The following MIA3 variants were observed in gnomAD, a reference collection of about 807,000 sequenced individuals.
The protein encoded by MIA3 is MIA SH3 domain ER export factor 3.
Under a neutral mutation model 192.4 loss-of-function variants are expected in MIA3, and 90 were observed. The observed-to-expected ratio is 0.47, with a 90% CI of 0.39 to 0.56. The LOEUF (loss-of-function observed/expected upper bound fraction) is 0.56, where lower values mean the gene tolerates loss of function less well. MIA3 is among the 20% of genes least tolerant of loss of function. The probability of loss-of-function intolerance (pLI) is 0.00; values close to 1 mark genes in which losing one functional copy is unlikely to be tolerated. For missense variants in MIA3, 2,123 were observed against 2,269.4 expected (o/e 0.94, Z 1.31); for synonymous variants, 740 against 792.8 (o/e 0.93, Z 1.12).
At chr1:222,647,842 G>A in intron 7 of MIA3, 1 of 331,064 alleles carries the variant, frequency 3.0e-6, no homozygotes. Flanking sequence ...TTCCATGTTG[G>A]AATTTTCTGA....
chr1:222,658,755 A>T lies in MIA3; in HGVS notation c.4641A>T (p.Glu1547Asp), dbSNP rs1286858138. ...GTCAAGAAGAGTATGAACGGCAAGA[A>T]AGAGAGCACAGGCTGTCAGCTGCAG... ...KLSQEEYERQ[E>D]REHRLSAADE... Residue 1547 changes from glutamate (E) to aspartate (D), a missense_variant, in exon 19 of 28, where the codon GAA becomes GAT. This residue lies in a region of MIA3 where 762 missense variants were observed against 856.4 expected (regional missense o/e 0.89). Transcript: ENST00000344922. 1 of 1,612,560 alleles carries T rather than the reference A, an allele frequency of 6.2e-7. No homozygotes were observed. Among genetic ancestry groups the T allele is most frequent in the African/African-American group, 1.3e-5 (1 of 74,796 alleles).
At position 222,633,093 on chromosome 1, in the gene MIA3, C is replaced by T; in HGVS notation, c.3332-11C>T. 1 of 1,577,088 alleles carries T rather than the reference C, an allele frequency of 6.3e-7. No homozygotes were observed. Among genetic ancestry groups the T allele is most frequent in the Non-Finnish European group, 8.6e-7 (1 of 1,166,368 alleles). On this transcript the variant is annotated splice_polypyrimidine_tract_variant and intron_variant, in intron 5 of 27. Coordinates refer to ENST00000344922, the MANE Select transcript of MIA3 (RefSeq NM_198551.4). Reference sequence around the variant, plus strand: ...AAAGCACAAAATGTCTATCTTTCCTCCCAATTCCAGGGCCAGTTACAACAG... The same window carrying T: ...AAAGCACAAAATGTCTATCTTTCCTTCCAATTCCAGGGCCAGTTACAACAG...
chr1:222,665,608 C>CA lies in MIA3; in HGVS notation c.5714dup (p.Ser1906GlufsTer6), dbSNP rs1558201824. ...CCAGGACTGTTCACAGGCTTTAAAACAGAGCCCATAAAACTATGACCTCTG... is the reference window on the plus strand; with the variant it reads ...CCAGGACTGTTCACAGGCTTTAAAACAAGAGCCCATAAAACTATGACCTCTG... On this transcript the variant is annotated frameshift_variant, in exon 28 of 28. Transcript: ENST00000344922. LOFTEE classifies it high-confidence loss of function. The CA allele has an allele frequency of 1.3e-6, 2 of 1,588,074 alleles. No homozygotes were observed. The highest frequency in any genetic ancestry group is 2.2e-5 in the East Asian group (1 of 44,588).
At chr1:222,652,648 A>G (rs1160697221) in intron 13 of MIA3, among the ~76,000 whole-genome samples, 2 of 152,214 alleles carry the variant, frequency 1.3e-5, no homozygotes, top group East Asian at 3.8e-4. Flanking sequence ...TAGATATTTT[A>G]TAACCCTCCT....
chr1:222,660,786 A>T (rs1663969403), intron 24 of MIA3: 1 of 154,188 alleles, frequency 6.5e-6, no homozygotes, highest in African/African-American at 2.4e-5. Flanking sequence ...AATGCATAAA[A>T]TATATGTAGA....
intron 24 of MIA3, chr1:222,661,400 T>TA (rs1479106265): frequency 2.0e-5 from 3 of 152,524 alleles, no homozygotes; most frequent in African/African-American, 4.8e-5. Context: ...TCCTCTTCCT[T>TA]ATGATTTCAA....
rs745660705 is a variant in MIA3 at position 222,628,360 on chromosome 1, A to G, written c.1140A>G (p.Leu380=). Residue 380 remains leucine (L), a synonymous_variant, in exon 4 of 28, where the codon CTA becomes CTG. Transcript: ENST00000344922. The part of the protein sequence containing the change: ...PGIKNDDKNI[L]TTWGDTIFSI... ...TCAAAAATGATGATAAAAATATACT[A>G]ACAACCTGGGGGGACACTATCTTCT... 2 of 1,613,910 alleles carry G rather than the reference A, an allele frequency of 1.2e-6. No homozygotes were observed. The highest frequency in any genetic ancestry group is 2.2e-5 in the South Asian group (2 of 91,032).
Position 222,664,015 on chromosome 1 carries a change from A to G in MIA3, c.5280A>G (p.Lys1760=), listed in dbSNP as rs1203305960. 1.9e-6 allele frequency: 3 copies of G among 1,613,450 alleles called. No homozygotes were observed. Among genetic ancestry groups the G allele is most frequent in the Non-Finnish European group, 2.5e-6 (3 of 1,179,668 alleles). The part of the protein sequence containing the change: ...LDEGKVNMAP[K]GPPPFPGVPL... ...CTCTGCAGGTTAATATGGCTCCAAA[A>G]GGGCCCCCTCCTTTCCCAGGAGTCC... The change falls in exon 27 of 28, where the codon AAA becomes AAG. Residue 1760 remains lysine, a synonymous_variant. Transcript: ENST00000344922.
chr1:222,629,386 G>C lies in MIA3; in HGVS notation c.2166G>C (p.Glu722Asp). 2 of 1,614,190 alleles carry C rather than the reference G, an allele frequency of 1.2e-6. No individual in the cohort carries two copies. The highest frequency in any genetic ancestry group is 1.7e-6 in the Non-Finnish European group (2 of 1,180,030). Residue 722 changes from glutamate (E) to aspartate (D), a missense_variant, in exon 4 of 28, where the codon GAG becomes GAC. Physicochemically the swap from Glu to Asp is conservative, Grantham distance 45. This residue lies in a region of MIA3 where 1,357 missense variants were observed against 1,396.1 expected (regional missense o/e 0.97). Coordinates refer to ENST00000344922, the MANE Select transcript of MIA3 (RefSeq NM_198551.4). Reference protein sequence around the residue: ...GGPAFLSKVEEDDYPSEELLE... With the variant: ...GGPAFLSKVEDDDYPSEELLE... ...CAGCTTTCCTTTCTAAAGTAGAAGAGGATGATTATCCCTCTGAAGAACTAC... is the reference window on the plus strand; with the variant it reads ...CAGCTTTCCTTTCTAAAGTAGAAGACGATGATTATCCCTCTGAAGAACTAC...
intron 6 of MIA3, among the ~76,000 whole-genome samples, chr1:222,637,226 C>T (rs1292258197): frequency 2.6e-5 from 4 of 152,098 alleles, no homozygotes; most frequent in Admixed American, 6.5e-5. Context: ...CTACATCCCC[C>T]TGGTGTATTT....
intron 1 of MIA3, among the ~76,000 whole-genome samples, chr1:222,620,890 G>A (rs3008611): frequency 0.96 from 146,063 of 152,330 alleles, 70,061 homozygotes; most frequent in Admixed American, 0.98. Flanking sequence ...GTGGTAGTTG[G>A]CACATTGCTT....
intron 3 of MIA3, among the ~76,000 whole-genome samples, chr1:222,626,282 C>T (rs954150694): frequency 2.6e-5 from 4 of 152,104 alleles, no homozygotes; most frequent in Admixed American, 6.5e-5. Context: ...GCCTGTTTGG[C>T]TTCACTCCTG....
At position 222,627,898 on chromosome 1, in the gene MIA3, A is replaced by T; in HGVS notation, c.678A>T (p.Ser226=). Residue 226 remains serine, a synonymous_variant, in exon 4 of 28, where the codon TCA becomes TCT. Coordinates refer to ENST00000344922, the MANE Select transcript of MIA3 (RefSeq NM_198551.4). ...QANHAQGEQA[S]FESFEEMLQD... Reference sequence around the variant, plus strand: ...ATCATGCTCAGGGAGAGCAGGCTTCATTTGAATCTTTTGAAGAAATGCTGC... The same window carrying T: ...ATCATGCTCAGGGAGAGCAGGCTTCTTTTGAATCTTTTGAAGAAATGCTGC... 1 of 1,614,138 alleles carries T rather than the reference A, an allele frequency of 6.2e-7. No homozygotes were observed. Among genetic ancestry groups the T allele is most frequent in the Non-Finnish European group, 8.5e-7 (1 of 1,180,024 alleles).
intron 18 of MIA3, among the ~76,000 whole-genome samples, chr1:222,655,561 C>T (rs1025536687): frequency 1.3e-5 from 2 of 152,196 alleles, no homozygotes; most frequent in Admixed American, 1.3e-4. Context: ...TAGACTGCTA[C>T]TGCTGTATGC....
intron 24 of MIA3, chr1:222,661,480 G>C (rs1664009544): frequency 6.5e-6 from 1 of 154,266 alleles, no homozygotes. Flanking sequence ...TGTGTTAACT[G>C]TTTATGTTAT....
chr1:222,643,647 C>T (rs1662965512), intron 6 of MIA3, among the ~76,000 whole-genome samples: 2 of 152,172 alleles, frequency 1.3e-5, no homozygotes, highest in South Asian at 4.1e-4. Flanking sequence ...TATCCTTGTC[C>T]TTTTCCACAA....
rs1314298482 is a variant in MIA3 at position 222,621,019 on chromosome 1, A to G, written c.134-140A>G. The stretch of plus-strand genomic sequence containing the variant: ...AAAGGATTTGAGATACTTTGAGCAT[A>G]TGAAAGAAATTCCAGAGAGTACTGG... On this transcript the variant is annotated intron_variant, in intron 1 of 27. Coordinates refer to ENST00000344922, the MANE Select transcript of MIA3 (RefSeq NM_198551.4). 7 of 620,182 alleles carry G rather than the reference A, an allele frequency of 1.1e-5. No individual in the cohort carries two copies. The Admixed American group carries it at 2.4e-4, about 21-fold the overall frequency. 38.4% of individuals were successfully genotyped at this position (620,182 alleles called of 1,614,324 possible).
At chr1:222,636,888 C>T (rs1662650336) in intron 6 of MIA3, among the ~76,000 whole-genome samples, 2 of 152,138 alleles carry the variant, frequency 1.3e-5, no homozygotes, top group African/African-American at 4.8e-5. Flanking sequence ...ATCTCTGCCT[C>T]CTCTGCAAGA....
intron 6 of MIA3, among the ~76,000 whole-genome samples, chr1:222,642,466 T>C (rs1353582999): frequency 6.6e-6 from 1 of 152,220 alleles, no homozygotes; most frequent in Non-Finnish European, 1.5e-5. Flanking sequence ...ATGGCCATTT[T>C]GGTTGTTTCT....
Sources: gnomAD v4.1 joint callset for allele counts (sites outside exome capture counted in the v4.1 genomes callset) on GRCh38, gnomAD v4.1.1 for gene constraint, gnomAD v4.1.1 regional missense constraint, MANE v1.5 for transcripts, NCBI Gene and HGNC (gene_info 2026-07-23, HGNC 2026-07-21) for gene names.